Variants in PTPRD observed in about 807,000 individuals in gnomAD.
PTPRD encodes the protein protein tyrosine phosphatase receptor type D.
Under a neutral mutation model 214.5 loss-of-function variants are expected in PTPRD, and 34 were observed. The observed-to-expected ratio is 0.16, with a 90% CI of 0.12 to 0.21. The LOEUF (loss-of-function observed/expected upper bound fraction) is 0.21. Among genes scored for constraint, PTPRD ranks in the 10% least tolerant of loss-of-function variants. The pLI is 1.00. For synonymous variants in PTPRD, 1,128 were observed against 845.7 expected (o/e 1.33, Z -5.79); for missense variants, 2,545 against 2,398.7 (o/e 1.06, Z -1.27).
Position 9,945,688 on chromosome 9 carries a change from G to T in PTPRD, c.-471-7078C>A, listed in dbSNP as rs192799178. Among the ~76,000 whole-genome samples, 359 of 152,192 alleles carry T rather than the reference G, an allele frequency of 2.4e-3. 3 individuals are homozygous for T. The highest frequency in any genetic ancestry group is 3.9e-3 in the Admixed American group (60 of 15,278). On this transcript the variant is annotated intron_variant, in intron 4 of 45. Transcript: ENST00000381196. The stretch of plus-strand genomic sequence containing the variant: ...GGATTGTAATCAAGATAATTTAAGA[G>T]GGGAGAAATTAGAGTACCTACATAT...
chr9:8,854,689 A>G (rs1235407573), intron 11 of PTPRD, among the ~76,000 whole-genome samples: 1 of 152,190 alleles, frequency 6.6e-6, no homozygotes, highest in Non-Finnish European at 1.5e-5. Context: ...GTGCGTCTTC[A>G]GTCCAGGTCC....
At chr9:8,382,194 G>T (rs963436099) in intron 37 of PTPRD, among the ~76,000 whole-genome samples, 2 of 152,206 alleles carry the variant, frequency 1.3e-5, no homozygotes, top group African/African-American at 4.8e-5. Flanking sequence ...TTAACAACCA[G>T]TACAACTATG....
chr9:10,368,995 T>G (rs1242317034), intron 2 of PTPRD, among the ~76,000 whole-genome samples: 1 of 152,084 alleles, frequency 6.6e-6, no homozygotes, highest in Non-Finnish European at 1.5e-5. Context: ...TTCTGGGGAA[T>G]ATGTGTTTTT....
intron 8 of PTPRD, among the ~76,000 whole-genome samples, chr9:9,516,761 C>T (rs890177425): frequency 6.7e-6 from 1 of 148,232 alleles, no homozygotes; most frequent in Admixed American, 6.8e-5. Flanking sequence ...TGGTCTCAAT[C>T]TCTTGACCTC....
intron 8 of PTPRD, among the ~76,000 whole-genome samples, chr9:9,398,011 T>C (rs2068568516): frequency 6.6e-6 from 1 of 152,004 alleles, no homozygotes. Context: ...AATTCTCCAG[T>C]GCATACTCAT....
intron 11 of PTPRD, among the ~76,000 whole-genome samples, chr9:8,779,625 C>T (rs969854408): frequency 1.3e-5 from 2 of 152,182 alleles, no homozygotes; most frequent in African/African-American, 2.4e-5. Context: ...CCCTCACACA[C>T]ACAGAGCCAG....
intron 10 of PTPRD, among the ~76,000 whole-genome samples, chr9:9,056,041 T>C (rs1371937352): frequency 6.6e-6 from 1 of 152,034 alleles, no homozygotes; most frequent in Non-Finnish European, 1.5e-5. Context: ...CTAGAGTAGT[T>C]CTGGACTTGC....
At chr9:8,488,762 G>T (rs1025200809) in intron 27 of PTPRD, among the ~76,000 whole-genome samples, 8 of 152,208 alleles carry the variant, frequency 5.3e-5, no homozygotes, top group African/African-American at 1.9e-4. Context: ...CCAAATGTCA[G>T]TGATGGTGTC....
At chr9:8,634,533 T>C (rs924925717) in intron 13 of PTPRD, among the ~76,000 whole-genome samples, 4 of 152,110 alleles carry the variant, frequency 2.6e-5, no homozygotes, top group African/African-American at 9.7e-5. Context: ...TCTTTGTGCA[T>C]TCCATTTTTG....
chr9:8,626,014 G>A (rs1034856498), intron 14 of PTPRD, among the ~76,000 whole-genome samples: 1 of 151,634 alleles, frequency 6.6e-6, no homozygotes, highest in Non-Finnish European at 1.5e-5. Context: ...CTCTTCTAAG[G>A]AGATACGTAA....
chr9:9,750,078 A>C (rs2098501845), intron 6 of PTPRD, among the ~76,000 whole-genome samples: 2 of 152,118 alleles, frequency 1.3e-5, no homozygotes, highest in Non-Finnish European at 2.9e-5. Flanking sequence ...GATTAATGTA[A>C]AGCAGTTTTA....
intron 5 of PTPRD, among the ~76,000 whole-genome samples, chr9:9,910,790 T>C (rs1387263877): frequency 6.6e-6 from 1 of 152,024 alleles, no homozygotes; most frequent in Non-Finnish European, 1.5e-5. Flanking sequence ...TTCCAAGTTC[T>C]AGTGTGAAGT....
intron 10 of PTPRD, among the ~76,000 whole-genome samples, chr9:9,120,955 A>G (rs544573878): frequency 1.3e-5 from 2 of 152,040 alleles, no homozygotes; most frequent in East Asian, 3.9e-4. Flanking sequence ...TACACTAATC[A>G]CTCTCAGGAA....
chr9:9,364,328 C>T (rs2057232965), intron 9 of PTPRD, among the ~76,000 whole-genome samples: 1 of 151,338 alleles, frequency 6.6e-6, no homozygotes, highest in African/African-American at 2.4e-5. Flanking sequence ...GAGAATTTTC[C>T]CCCGAAGTGC....
intron 3 of PTPRD, among the ~76,000 whole-genome samples, chr9:10,299,857 T>C (rs2095806442): frequency 6.6e-6 from 1 of 152,206 alleles, no homozygotes; most frequent in African/African-American, 2.4e-5. Flanking sequence ...CTGATGCTTT[T>C]TCCCATTAAA....
chr9:9,859,609 A>G (rs2062267358), intron 5 of PTPRD, among the ~76,000 whole-genome samples: 1 of 152,224 alleles, frequency 6.6e-6, no homozygotes, highest in African/African-American at 2.4e-5. Context: ...TAAATATTCT[A>G]GCTCATAGGA....
intron 3 of PTPRD, among the ~76,000 whole-genome samples, chr9:10,310,995 T>G (rs187550852): frequency 6.6e-6 from 1 of 152,192 alleles, no homozygotes; most frequent in East Asian, 1.9e-4. Context: ...GGAACCAATT[T>G]GATTGCAAAC....
At chr9:9,842,298 ATTTTTTTTTTT>A (rs138386194) in intron 5 of PTPRD, among the ~76,000 whole-genome samples, 19 of 91,430 alleles carry the variant, frequency 2.1e-4, no homozygotes, top group East Asian at 7.0e-4. Context: ...GAAGGAGAGC[ATTTTTTTTTTT>A]TTTTTTTTTT....
intron 5 of PTPRD, among the ~76,000 whole-genome samples, chr9:9,876,447 T>A (rs2066890158): frequency 6.6e-6 from 1 of 152,106 alleles, no homozygotes; most frequent in South Asian, 2.1e-4. Flanking sequence ...GAATGTCTCT[T>A]CAGGGCACCT....
Sources: allele counts gnomAD v4.1 joint callset (sites outside exome capture counted in the v4.1 genomes callset), GRCh38; gene constraint gnomAD v4.1.1; transcripts MANE v1.5; gene names NCBI Gene and HGNC (gene_info 2026-07-23, HGNC 2026-07-21).